NAV3: variants seen among roughly 807,000 people sequenced by gnomAD.
NAV3 encodes neuron navigator 3, also known as pore membrane and/or filament interacting like protein 1.
In NAV3, 87 loss-of-function variants were observed where a neutral mutation model predicts 244.7. The ratio of observed to expected loss-of-function variants is 0.36; its 90% CI spans 0.30 to 0.42. NAV3 has a LOEUF of 0.42. Among genes scored for constraint, NAV3 ranks in the 20% least tolerant of loss-of-function variants. The pLI is 1.00. For synonymous variants in NAV3, 1,126 were observed against 1,042.2 expected (o/e 1.08, Z -1.55); for missense variants, 2,663 against 2,893.3 (o/e 0.92, Z 1.83).
chr12:77,703,998 G>A (rs1308030929), intron 2 of NAV3, among the ~76,000 whole-genome samples: 4 of 152,132 alleles, frequency 2.6e-5, no homozygotes, highest in African/African-American at 9.7e-5. Flanking sequence ...CACTTGTAAC[G>A]CTAGCGCAAA....
chr12:78,155,043 C>T (rs982852422), intron 22 of NAV3, among the ~76,000 whole-genome samples: 1 of 151,924 alleles, frequency 6.6e-6, no homozygotes, highest in South Asian at 2.1e-4. Flanking sequence ...TAAGTTCTGG[C>T]GTACATGGGC....
chr12:77,976,666 C>CTTTCTTTTTTTTTTTTTTTTTTTTT (rs1446044531), intron 5 of NAV3, among the ~76,000 whole-genome samples: 3 of 58,062 alleles, frequency 5.2e-5, no homozygotes, highest in African/African-American at 6.5e-5. Context: ...TTCTTTCTTT[C>CTTTCTTTTTTTTTTTTTTTTTTTTT]TTTTTTTCTT....
At chr12:77,853,351 A>G (rs1032112557) in intron 1 of NAV3, among the ~76,000 whole-genome samples, 1 of 152,258 alleles carries the variant, frequency 6.6e-6, no homozygotes, top group African/African-American at 2.4e-5. Flanking sequence ...TGGTAGATAG[A>G]AATTTTTTAA....
intron 2 of NAV3, among the ~76,000 whole-genome samples, chr12:77,812,849 C>G (rs764833494): frequency 6.6e-6 from 1 of 151,524 alleles, no homozygotes; most frequent in Non-Finnish European, 1.5e-5. Context: ...AGTTTAGAGA[C>G]AGAGTCTCAC....
intron 1 of NAV3, among the ~76,000 whole-genome samples, chr12:77,892,127 T>A (rs1369264757): frequency 1.3e-5 from 2 of 152,226 alleles, no homozygotes; most frequent in Non-Finnish European, 2.9e-5. Flanking sequence ...GTGGAAATAA[T>A]TCAAACTGAC....
chr12:78,103,119 A>G (rs575061930), intron 12 of NAV3, among the ~76,000 whole-genome samples: 1 of 152,242 alleles, frequency 6.6e-6, no homozygotes, highest in South Asian at 2.1e-4. Flanking sequence ...AATTTTCTGA[A>G]CTTTTATGCT....
intron 12 of NAV3, among the ~76,000 whole-genome samples, chr12:78,065,966 T>G (rs1191882718): frequency 6.6e-6 from 1 of 152,154 alleles, no homozygotes; most frequent in Non-Finnish European, 1.5e-5. Context: ...AACATTTATC[T>G]CCTTTCCACA....
intron 18 of NAV3, 74 bp downstream of exon 18, chr12:78,128,940 C>A (rs2138859528): frequency 7.2e-7 from 1 of 1,383,868 alleles, no homozygotes; most frequent in Non-Finnish European, 1.0e-6. Context: ...TGGAATCTCT[C>A]CATAACACAA....
At chr12:77,614,083 T>C (rs1277979893) in intron 2 of NAV3, among the ~76,000 whole-genome samples, 4 of 144,296 alleles carry the variant, frequency 2.8e-5, no homozygotes, top group East Asian at 4.0e-4. Flanking sequence ...TCTTTTTTTT[T>C]TTTTTTTTTT....
At chr12:77,785,949 T>G (rs1870885637) in intron 2 of NAV3, among the ~76,000 whole-genome samples, 1 of 152,206 alleles carries the variant, frequency 6.6e-6, no homozygotes, top group African/African-American at 2.4e-5. Flanking sequence ...TTTGTTACAT[T>G]CAACCTTAAA....
intron 2 of NAV3, among the ~76,000 whole-genome samples, chr12:77,733,307 A>G (rs1704245606): frequency 1.3e-5 from 2 of 152,048 alleles, no homozygotes; most frequent in Non-Finnish European, 2.9e-5. Context: ...ATGAAAAACC[A>G]TTTATCAATA....
At chr12:77,972,234 A>C (rs915687779) in intron 5 of NAV3, among the ~76,000 whole-genome samples, 5 of 152,104 alleles carry the variant, frequency 3.3e-5, no homozygotes, top group African/African-American at 9.7e-5. Flanking sequence ...CTCAAGTGGC[A>C]CCTAGAGTTC....
intron 5 of NAV3, among the ~76,000 whole-genome samples, chr12:77,977,659 A>G (rs1157669607): frequency 2.0e-5 from 3 of 151,570 alleles, no homozygotes; most frequent in South Asian, 2.1e-4. Context: ...TTGAAAATCA[A>G]TAAGAGTGTT....
chr12:77,963,702 CT>C (rs1388225352), intron 3 of NAV3, among the ~76,000 whole-genome samples: 1 of 152,102 alleles, frequency 6.6e-6, no homozygotes, highest in East Asian at 1.9e-4. Flanking sequence ...AACTAACTAT[CT>C]TAAATTGCTG....
intron 9 of NAV3, among the ~76,000 whole-genome samples, chr12:78,045,540 A>G (rs1387106978): frequency 6.6e-6 from 1 of 152,008 alleles, no homozygotes; most frequent in Non-Finnish European, 1.5e-5. Context: ...TGATCTGCCC[A>G]CCTCAGCCTC....
chr12:78,085,667 G>A lies in NAV3; in HGVS notation c.2636+26552G>A, dbSNP rs575491794. On this transcript the variant is annotated intron_variant, in intron 12 of 39. Transcript: ENST00000397909. Reference sequence around the variant, plus strand: ...GTAAGAAACATATTGCGTGTGGGCTGAACATTCAGGAGGAGATGTCAGGCA... The same window carrying A: ...GTAAGAAACATATTGCGTGTGGGCTAAACATTCAGGAGGAGATGTCAGGCA... Among the ~76,000 whole-genome samples, 3 of 152,190 alleles carry A rather than the reference G, an allele frequency of 2.0e-5. No homozygotes were observed. In the South Asian group the frequency reaches 6.2e-4, roughly 32 times the overall value.
intron 2 of NAV3, among the ~76,000 whole-genome samples, chr12:77,815,372 C>T (rs1173371436): frequency 8.5e-5 from 13 of 152,120 alleles, no homozygotes; most frequent in Admixed American, 7.9e-4. Flanking sequence ...AATATCTTGC[C>T]CTGTGAAGTT....
intron 1 of NAV3, among the ~76,000 whole-genome samples, chr12:77,913,691 G>T (rs1175724661): frequency 6.6e-6 from 1 of 152,002 alleles, no homozygotes; most frequent in Non-Finnish European, 1.5e-5. Flanking sequence ...TACTATCCTT[G>T]GTTGAGAGGC....
intron 12 of NAV3, among the ~76,000 whole-genome samples, chr12:78,066,954 G>GA (rs1237636410): frequency 6.6e-6 from 1 of 152,080 alleles, no homozygotes; most frequent in Non-Finnish European, 1.5e-5. Flanking sequence ...GCAATGTGCA[G>GA]AAAATTACAT....
Sources: allele counts gnomAD v4.1 joint callset (sites outside exome capture counted in the v4.1 genomes callset), GRCh38; gene constraint gnomAD v4.1.1; transcripts MANE v1.5; gene names NCBI Gene and HGNC (gene_info 2026-07-23, HGNC 2026-07-21).